Variants in ATP13A4 observed in about 807,000 individuals in gnomAD.
The protein encoded by ATP13A4 is ATPase 13A4.
Under a neutral mutation model 142.5 loss-of-function variants are expected in ATP13A4, and 114 were observed. That is an observed-to-expected ratio of 0.80 (90% CI 0.69 to 0.93). ATP13A4 has a LOEUF of 0.93. Among genes scored for constraint, ATP13A4 ranks in the 40% least tolerant of loss-of-function variants. ATP13A4 has a pLI of 0.00. For synonymous variants in ATP13A4, 488 were observed against 514.8 expected (o/e 0.95, Z 0.70); for missense variants, 1,392 against 1,454.0 (o/e 0.96, Z 0.69).
intron 1 of ATP13A4, among the ~76,000 whole-genome samples, chr3:193,530,087 C>A (rs980400827): frequency 6.6e-6 from 1 of 152,164 alleles, no homozygotes; most frequent in African/African-American, 2.4e-5. Flanking sequence ...TCAGTTTAAT[C>A]AGTGTCAAAT....
chr3:193,513,372 T>C (rs552287184), intron 2 of ATP13A4, among the ~76,000 whole-genome samples: 1 of 152,340 alleles, frequency 6.6e-6, no homozygotes, highest in East Asian at 1.9e-4. Context: ...CCAACAGAGT[T>C]TGATTTATCA....
At chr3:193,588,745 T>C (rs1724712129) in intron 1 of ATP13A4, among the ~76,000 whole-genome samples, 1 of 152,220 alleles carries the variant, frequency 6.6e-6, no homozygotes, top group African/African-American at 2.4e-5. Flanking sequence ...GTCCTCAGCT[T>C]GTACTACCTC....
intron 1 of ATP13A4, among the ~76,000 whole-genome samples, chr3:193,527,114 G>A (rs2108697494): frequency 6.6e-6 from 1 of 152,304 alleles, no homozygotes; most frequent in Non-Finnish European, 1.5e-5. Flanking sequence ...GCAAAAATCA[G>A]TGGCTGGGAT....
chr3:193,402,394 A>C lies in ATP13A4; in HGVS notation c.*258T>G, dbSNP rs1048073679. The C allele has an allele frequency of 3.9e-5, 18 of 464,702 alleles. No individual in the cohort carries two copies. Among genetic ancestry groups the C allele is most frequent in the Non-Finnish European group, 5.9e-5 (15 of 255,326 alleles). The allele number at this position is 464,702 out of a possible 1,614,324, so 28.8% of individuals were successfully genotyped here. On this transcript the variant is annotated 3_prime_UTR_variant, in exon 30 of 30. Coordinates refer to ENST00000342695, the MANE Select transcript of ATP13A4 (RefSeq NM_032279.4). The stretch of plus-strand genomic sequence containing the variant: ...CTTTAGCCTGCTTGTCTCTTGGCCC[A>C]TAGAAATTCTTGGCCCATTCTTGCC...
In ATP13A4 at chr3:193,414,643, C is replaced by A. The variant is rs748846893; in HGVS notation, c.2950G>T (p.Ala984Ser). The A allele has an allele frequency of 2.5e-6, 4 of 1,614,074 alleles. No individual in the cohort carries two copies. Among genetic ancestry groups the A allele is most frequent in the South Asian group, 1.1e-5 (1 of 91,072 alleles). Residue 984 changes from alanine (A) to serine (S), a missense_variant, in exon 26 of 30, where the codon GCC becomes TCC. Transcript: ENST00000342695. Reference sequence around the variant, plus strand: ...AGGATGAAGCCTGCAATATGCATGGCCAGGCTGAGAAGAATGTTGAAAATC... The same window carrying A: ...AGGATGAAGCCTGCAATATGCATGGACAGGCTGAGAAGAATGTTGAAAATC... ...SVIFNILLSL[A>S]MHIAGFILVQ...
Position 193,438,464 on chromosome 3 carries a change from T to G in ATP13A4, c.2672+11A>C, listed in dbSNP as rs771699747. The G allele has an allele frequency of 8.2e-6, 13 of 1,583,346 alleles. No individual in the cohort carries two copies. Among genetic ancestry groups the G allele is most frequent in the African/African-American group, 2.7e-5 (2 of 74,204 alleles). ...AGAGAGAAAACAATGTTTGAGGAAG[T>G]GCCTACTTACTTGATAAGGTGAGGT... On this transcript the variant is annotated intron_variant, in intron 23 of 29. Coordinates refer to ENST00000342695, the MANE Select transcript of ATP13A4 (RefSeq NM_032279.4).
At chr3:193,435,130 T>C (rs1716192032) in intron 24 of ATP13A4, among the ~76,000 whole-genome samples, 1 of 152,240 alleles carries the variant, frequency 6.6e-6, no homozygotes, top group Non-Finnish European at 1.5e-5. Flanking sequence ...GGGGCAAGTA[T>C]TATAGAATCA....
chr3:193,589,586 G>A (rs111675894), intron 1 of ATP13A4, among the ~76,000 whole-genome samples: 170 of 152,160 alleles, frequency 1.1e-3, no homozygotes, highest in African/African-American at 3.9e-3. Context: ...AATATTTAGA[G>A]TTTTACCTGG....
intron 19 of ATP13A4, 90 bp from the exon 20 acceptor site, chr3:193,441,678 G>GACCAGGAT: frequency 1.4e-6 from 2 of 1,469,880 alleles, no homozygotes; most frequent in Non-Finnish European, 9.4e-7. Flanking sequence ...AATGAAGACA[G>GACCAGGAT]ACCAGGATCT....
intron 1 of ATP13A4, among the ~76,000 whole-genome samples, chr3:193,591,721 A>G (rs551631780): frequency 6.6e-6 from 1 of 152,384 alleles, no homozygotes; most frequent in Non-Finnish European, 1.5e-5. Flanking sequence ...ACATATGATA[A>G]CCATATATAA....
intron 20 of ATP13A4, among the ~76,000 whole-genome samples, 155 bp from the exon 21 acceptor site, chr3:193,440,792 T>C (rs1716587156): frequency 1.3e-5 from 2 of 152,108 alleles, no homozygotes; most frequent in East Asian, 1.9e-4. Context: ...AAGACAAACA[T>C]TGAGGTTTTG....
chr3:193,511,577 A>C (rs1275494181), intron 2 of ATP13A4, among the ~76,000 whole-genome samples: 1 of 152,234 alleles, frequency 6.6e-6, no homozygotes, highest in Non-Finnish European at 1.5e-5. Flanking sequence ...GAATGGCTTG[A>C]GCAATGACAC....
intron 7 of ATP13A4, among the ~76,000 whole-genome samples, chr3:193,489,127 C>CAG (rs1719800801): frequency 6.6e-6 from 1 of 152,122 alleles, no homozygotes; most frequent in Non-Finnish European, 1.5e-5. Flanking sequence ...CACCAGAGGA[C>CAG]AGAGATGGCT....
chr3:193,492,517 G>C (rs1284771599), intron 5 of ATP13A4, among the ~76,000 whole-genome samples: 2 of 152,098 alleles, frequency 1.3e-5, no homozygotes, highest in African/African-American at 4.8e-5. Flanking sequence ...TGTATTTCTT[G>C]ATTTTAACCT....
chr3:193,520,649 G>A (rs1427298371), intron 1 of ATP13A4, among the ~76,000 whole-genome samples: 1 of 152,102 alleles, frequency 6.6e-6, no homozygotes, highest in Non-Finnish European at 1.5e-5. Flanking sequence ...TCACTTTAGT[G>A]TGAATTGTGC....
chr3:193,530,973 A>T (rs1018864605), intron 1 of ATP13A4, among the ~76,000 whole-genome samples: 6 of 152,070 alleles, frequency 3.9e-5, no homozygotes, highest in African/African-American at 1.4e-4. Flanking sequence ...AGTTCCCCGA[A>T]TGGAATGTGC....
At chr3:193,452,493 T>C (rs1560196856) in intron 17 of ATP13A4, among the ~76,000 whole-genome samples, 1 of 150,218 alleles carries the variant, frequency 6.7e-6, no homozygotes, top group South Asian at 2.1e-4. Context: ...ATTTTACCCA[T>C]CACAAAGTGA....
intron 2 of ATP13A4, among the ~76,000 whole-genome samples, chr3:193,506,068 G>T (rs950775403): frequency 6.6e-6 from 1 of 152,156 alleles, no homozygotes; most frequent in African/African-American, 2.4e-5. Flanking sequence ...ATAGCATGTT[G>T]TTTCTGAGTT....
intron 1 of ATP13A4, among the ~76,000 whole-genome samples, chr3:193,583,775 CAAGAGTAAATCCTTA>C (rs1449869560): frequency 6.6e-6 from 1 of 152,028 alleles, no homozygotes; most frequent in Non-Finnish European, 1.5e-5. Flanking sequence ...TTTTATAATT[CAAGAGTAAATCCTTA>C]AAACTACTTA....
Sources: gnomAD v4.1 joint callset for allele counts (sites outside exome capture counted in the v4.1 genomes callset) on GRCh38, gnomAD v4.1.1 for gene constraint, MANE v1.5 for transcripts, NCBI Gene and HGNC (gene_info 2026-07-23, HGNC 2026-07-21) for gene names.